The following TSPAN15 variants were observed in gnomAD, a reference collection of about 807,000 sequenced individuals.
The protein encoded by TSPAN15 is tetraspanin-15.
TSPAN15 carries 20 observed loss-of-function variants against 34.5 expected under a neutral mutation model. The observed-to-expected ratio is 0.58, with a 90% CI of 0.41 to 0.84. The LOEUF (loss-of-function observed/expected upper bound fraction) is 0.84. Ranked by LOEUF, TSPAN15 falls within the 40% of genes least tolerant of loss-of-function variation. TSPAN15 has a pLI of 0.00. For synonymous variants in TSPAN15, 155 were observed against 153.9 expected (o/e 1.01, Z -0.05); for missense variants, 313 against 386.1 (o/e 0.81, Z 1.59).
At chr10:69,490,466 A>T (rs1277993081) in intron 3 of TSPAN15, among the ~76,000 whole-genome samples, 1 of 152,220 alleles carries the variant, frequency 6.6e-6, no homozygotes, top group Non-Finnish European at 1.5e-5. Flanking sequence ...CATGCTTGTA[A>T]TCCCAGCACT....
chr10:69,467,550 G>C (rs772492181), intron 1 of TSPAN15, among the ~76,000 whole-genome samples: 6 of 151,950 alleles, frequency 3.9e-5, no homozygotes, highest in Non-Finnish European at 5.9e-5. Context: ...AGAGGTTGAG[G>C]CTGCAGTGAG....
rs142068659 is a variant in TSPAN15 at position 69,495,643 on chromosome 10, A to G, written c.407A>G (p.Tyr136Cys). The G allele has an allele frequency of 5.1e-5, 82 of 1,614,070 alleles. No individual in the cohort carries two copies. The highest frequency in any genetic ancestry group is 6.4e-5 in the Non-Finnish European group (75 of 1,179,998). Reference protein sequence around the residue: ...DNIRRGIENYYDDLDFKNIMD... With the variant: ...DNIRRGIENYCDDLDFKNIMD... ...ATTCGAAGAGGAATTGAGAACTACT[A>G]TGATGATCTGGACTTCAAAAACATC... Residue 136 changes from tyrosine (Y) to cysteine (C), a missense_variant, in exon 4 of 8, where the codon TAT becomes TGT. Physicochemically the swap from Tyr to Cys is radical, Grantham distance 194 (BLOSUM62 -2). Coordinates refer to ENST00000373290, the MANE Select transcript of TSPAN15 (RefSeq NM_012339.5).
chr10:69,515,607 C>T, the TSPAN15 span, among the ~76,000 whole-genome samples: 15,314 of 152,254 alleles, frequency 0.1, 1,203 homozygotes, highest in East Asian at 0.42. Context: ...TGACTCCTTC[C>T]AAGCTCTTGC....
chr10:69,494,207 C>T (rs1842029279), intron 3 of TSPAN15, among the ~76,000 whole-genome samples: 2 of 152,190 alleles, frequency 1.3e-5, no homozygotes, highest in Admixed American at 6.5e-5. Flanking sequence ...CAGAGGCTGC[C>T]TCCATTGCAG....
intron 5 of TSPAN15, 70 bp downstream of exon 5, chr10:69,498,466 C>G (rs1434431870): frequency 1.6e-6 from 2 of 1,279,630 alleles, no homozygotes; most frequent in Non-Finnish European, 2.3e-6. Flanking sequence ...TCTCTTTTCT[C>G]TCTTCCCAAC....
intron 1 of TSPAN15, among the ~76,000 whole-genome samples, chr10:69,460,092 A>G (rs1389591673): frequency 6.6e-6 from 1 of 151,986 alleles, no homozygotes; most frequent in Non-Finnish European, 1.5e-5. Context: ...CCGTCTTGTC[A>G]GAGGAGGCTC....
At chr10:69,489,797 G>T (rs527337426) in intron 3 of TSPAN15, among the ~76,000 whole-genome samples, 2,348 of 152,314 alleles carry the variant, frequency 0.015, 73 homozygotes, top group African/African-American at 0.054. Context: ...CTGGGGAGCT[G>T]GGCACAGAGC....
At chr10:69,523,316 C>G in the TSPAN15 span, 2 of 483,992 alleles carry the variant, frequency 4.1e-6, no homozygotes, top group South Asian at 2.3e-5. Context: ...ACTCAAAGAG[C>G]CAAAGAAAGC....
intron 1 of TSPAN15, among the ~76,000 whole-genome samples, chr10:69,473,062 G>A (rs1014618951): frequency 5.9e-5 from 9 of 152,216 alleles, no homozygotes; most frequent in African/African-American, 2.2e-4. Context: ...ATCACTACCA[G>A]CAAGGGCTTC....
chr10:69,507,541 T>A lies in TSPAN15; in HGVS notation c.*563T>A. 7.7e-7 allele frequency: 1 copy of A among 1,304,224 alleles called. No homozygotes were observed. Among genetic ancestry groups the A allele is most frequent in the South Asian group, 1.2e-5 (1 of 81,002 alleles). 80.8% of individuals were successfully genotyped at this position (1,304,224 alleles called of 1,614,324 possible). A position where few individuals can be genotyped will look rare whatever the true frequency, so the allele number is the denominator to read the frequency against. ...TTTTACGTGATTTTTGTAACATTCA[T>A]TTTTTTGTACAGATAACAGGAGTTT... On this transcript the variant is annotated 3_prime_UTR_variant, in exon 8 of 8. Transcript: ENST00000373290.
the TSPAN15 span, among the ~76,000 whole-genome samples, chr10:69,531,390 G>C: frequency 6.6e-6 from 1 of 152,128 alleles, no homozygotes; most frequent in African/African-American, 2.4e-5. Context: ...CTTGAGCACA[G>C]CAGTTTGAGA....
At chr10:69,455,623 T>G (rs1184479985) in intron 1 of TSPAN15, among the ~76,000 whole-genome samples, 8 of 87,974 alleles carry the variant, frequency 9.1e-5, no homozygotes, top group Non-Finnish European at 1.5e-4. Context: ...TCTCTCTCTC[T>G]CTCCCCCCCC....
At chr10:69,455,895 A>G (rs1267484605) in intron 1 of TSPAN15, among the ~76,000 whole-genome samples, 1 of 152,064 alleles carries the variant, frequency 6.6e-6, no homozygotes, top group Non-Finnish European at 1.5e-5. Flanking sequence ...AGCAGAAGGC[A>G]GATACCCCTC....
chr10:69,503,463 T>TATTC (rs1589654983), intron 5 of TSPAN15, among the ~76,000 whole-genome samples: 2 of 152,184 alleles, frequency 1.3e-5, no homozygotes, highest in Admixed American at 6.5e-5. Context: ...CATCACAACC[T>TATTC]ATTCATTCAT....
At chr10:69,530,779 ACTCTCTCTCTCTCT>A in the TSPAN15 span, among the ~76,000 whole-genome samples, 149 of 49,976 alleles carry the variant, frequency 3.0e-3, 4 homozygotes, top group Non-Finnish European at 4.1e-3. Context: ...ACAGAGTGAG[ACTCTCTCTCTCTCT>A]CTCTCTCTCT....
At chr10:69,499,581 T>C (rs1033176272) in intron 5 of TSPAN15, among the ~76,000 whole-genome samples, 1 of 152,198 alleles carries the variant, frequency 6.6e-6, no homozygotes, top group Admixed American at 6.5e-5. Context: ...GAGAACCTAC[T>C]CTATGCCAGA....
chr10:69,535,252 C>T, the TSPAN15 span, among the ~76,000 whole-genome samples: 6 of 151,938 alleles, frequency 3.9e-5, no homozygotes, highest in Non-Finnish European at 5.9e-5. Context: ...CTTATCATAC[C>T]AGACAGAGAG....
chr10:69,507,942 G>A (rs112903178), downstream of TSPAN15, among the ~76,000 whole-genome samples: 288 of 152,106 alleles, frequency 1.9e-3, 2 homozygotes, highest in African/African-American at 6.4e-3. Context: ...GACCAGGGAA[G>A]CGGAGTTGCC....
At chr10:69,513,494 AC>A in the TSPAN15 span, among the ~76,000 whole-genome samples, 1 of 152,146 alleles carries the variant, frequency 6.6e-6, no homozygotes, top group Non-Finnish European at 1.5e-5. Context: ...GGCATGAGCC[AC>A]CGTGCCCAGT....
Sources: gnomAD v4.1 joint callset for allele counts (sites outside exome capture counted in the v4.1 genomes callset) on GRCh38, gnomAD v4.1.1 for gene constraint, MANE v1.5 for transcripts, NCBI Gene and HGNC (gene_info 2026-07-23, HGNC 2026-07-21) for gene names.